Variants in MVB12B observed in about 807,000 individuals in gnomAD.
The protein encoded by MVB12B is multivesicular body subunit 12B.
In MVB12B, 16 loss-of-function variants were observed where a neutral mutation model predicts 41.6. The ratio of observed to expected loss-of-function variants is 0.38; its 90% CI spans 0.26 to 0.58. The LOEUF (loss-of-function observed/expected upper bound fraction) is 0.58. Among genes scored for constraint, MVB12B ranks in the 20% least tolerant of loss-of-function variants. MVB12B has a pLI of 0.62. For missense variants in MVB12B, 274 were observed against 380.2 expected, an observed-to-expected ratio of 0.72 and a Z score of 2.32; for synonymous variants, 133 against 139.7, an observed-to-expected ratio of 0.95 and a Z score of 0.34.
At chr9:126,469,622 T>A (rs1225472929) in intron 7 of MVB12B, among the ~76,000 whole-genome samples, 1 of 152,226 alleles carries the variant, frequency 6.6e-6, no homozygotes, top group East Asian at 1.9e-4. Context: ...ACTGCCTGTT[T>A]TAGAGCATGC....
intron 7 of MVB12B, among the ~76,000 whole-genome samples, chr9:126,445,162 C>A (rs1832735208): frequency 6.6e-6 from 1 of 152,068 alleles, no homozygotes; most frequent in Non-Finnish European, 1.5e-5. Flanking sequence ...AGAAAAATAT[C>A]CAATCTTTCC....
chr9:126,421,444 A>C (rs998325832), intron 6 of MVB12B, among the ~76,000 whole-genome samples: 2 of 152,230 alleles, frequency 1.3e-5, no homozygotes, highest in Non-Finnish European at 1.5e-5. Flanking sequence ...CGGTGTAGGA[A>C]TGGAAGCATT....
chr9:126,379,644 T>C (rs1371961794), intron 2 of MVB12B, among the ~76,000 whole-genome samples: 2 of 152,236 alleles, frequency 1.3e-5, no homozygotes, highest in East Asian at 1.9e-4. Context: ...CCTGTTGTTA[T>C]ATTTGCTAAT....
intron 2 of MVB12B, among the ~76,000 whole-genome samples, chr9:126,374,510 G>A (rs747805877): frequency 6.6e-6 from 1 of 152,200 alleles, no homozygotes; most frequent in African/African-American, 2.4e-5. Flanking sequence ...GCTAGAGAAA[G>A]CAATCAGAGA....
At chr9:126,388,553 A>G (rs1403709079) in intron 4 of MVB12B, among the ~76,000 whole-genome samples, 1 of 152,204 alleles carries the variant, frequency 6.6e-6, no homozygotes, top group Non-Finnish European at 1.5e-5. Context: ...GTATCTACCT[A>G]GTCATGGAAT....
rs779417559 is a variant in MVB12B, at chr9:126,392,493, ACT to A, written c.539+300_539+301del. ...GATGCCACTGGCCTCAGCTCTTCACACTCGTTATTCACCCTAGGAAAGGTCAC... is the reference window on the plus strand; with the variant it reads ...GATGCCACTGGCCTCAGCTCTTCACACGTTATTCACCCTAGGAAAGGTCAC... On this transcript the variant is annotated intron_variant, in intron 5 of 9. Coordinates refer to ENST00000361171, the MANE Select transcript of MVB12B (RefSeq NM_033446.3). This position sits in a 1 kb window ranked among gnomAD's most constrained non-coding sequence, Gnocchi z 4.8. Among the ~76,000 whole-genome samples, 16 of 151,888 alleles carry A rather than the reference ACT, an allele frequency of 1.1e-4. No individual in the cohort carries two copies. The highest frequency in any genetic ancestry group is 1.5e-4 in the Non-Finnish European group (10 of 67,978).
chr9:126,428,334 A>G (rs576897891), intron 7 of MVB12B, among the ~76,000 whole-genome samples: 113 of 152,312 alleles, frequency 7.4e-4, no homozygotes, highest in Admixed American at 9.2e-4. Flanking sequence ...TGATTTATAT[A>G]TTTCATCCAA....
chr9:126,380,675 C>T (rs1022466796), intron 2 of MVB12B, among the ~76,000 whole-genome samples: 4 of 152,290 alleles, frequency 2.6e-5, no homozygotes, highest in South Asian at 2.1e-4. Context: ...GCAGGCAGCG[C>T]CCCCTCAGGT....
intron 7 of MVB12B, among the ~76,000 whole-genome samples, chr9:126,467,217 G>C (rs1833219376): frequency 6.6e-6 from 1 of 152,168 alleles, no homozygotes; most frequent in African/African-American, 2.4e-5. Context: ...GGGTGTTGTA[G>C]ATCCTATCCT....
At chr9:126,490,346 G>T (rs540631535) in intron 9 of MVB12B, among the ~76,000 whole-genome samples, 1 of 152,172 alleles carries the variant, frequency 6.6e-6, no homozygotes, top group Non-Finnish European at 1.5e-5. Flanking sequence ...CAGCAGCCTT[G>T]GGTGTAGGTT....
At chr9:126,481,511 TTCTGGCA>T in intron 8 of MVB12B, 87 bp downstream of exon 8, 3 of 990,418 alleles carry the variant, frequency 3.0e-6, no homozygotes, top group Non-Finnish European at 4.9e-6. Context: ...CGCAGGGCTG[TTCTGGCA>T]GTACTCACGC....
chr9:126,375,108 T>C (rs1160741379), intron 2 of MVB12B, among the ~76,000 whole-genome samples: 3 of 152,212 alleles, frequency 2.0e-5, no homozygotes, highest in African/African-American at 7.2e-5. Flanking sequence ...TATTTTCTTC[T>C]CTTATAATCT....
At chr9:126,500,782 A>G (rs1410182182) in intron 9 of MVB12B, among the ~76,000 whole-genome samples, 1 of 152,192 alleles carries the variant, frequency 6.6e-6, no homozygotes, top group African/African-American at 2.4e-5. Flanking sequence ...CTATTGCCCT[A>G]GGTGCCGTCC....
chr9:126,387,784 T>A (rs1830839501), intron 4 of MVB12B, among the ~76,000 whole-genome samples: 1 of 152,218 alleles, frequency 6.6e-6, no homozygotes, highest in South Asian at 2.1e-4. Context: ...AAGACCCCTC[T>A]TTAGAGATGG....
rs1834057471 is a variant in MVB12B at position 126,505,788 on chromosome 9, T to G, written c.*2525T>G. 1 of 152,008 alleles carries G rather than the reference T, an allele frequency of 6.6e-6. No homozygotes were observed. The highest frequency in any genetic ancestry group is 2.4e-5 in the African/African-American group (1 of 41,366). 9.4% of individuals were successfully genotyped at this position (152,008 alleles called of 1,614,324 possible). On this transcript the variant is annotated 3_prime_UTR_variant, in exon 10 of 10. Coordinates refer to ENST00000361171, the MANE Select transcript of MVB12B (RefSeq NM_033446.3). ...GGCTCAAACCTAGGAATTGAGAGCG[T>G]TTCTGTCTTTTGGGAGAGTACTTTT...
At chr9:126,352,156 A>T (rs1829769419) in intron 2 of MVB12B, among the ~76,000 whole-genome samples, 2 of 152,116 alleles carry the variant, frequency 1.3e-5, no homozygotes, top group African/African-American at 2.4e-5. Flanking sequence ...GAAAGAAAAA[A>T]ATGTTGTGTT....
chr9:126,327,693 C>T (rs1050840542), intron 1 of MVB12B, among the ~76,000 whole-genome samples: 11 of 152,152 alleles, frequency 7.2e-5, no homozygotes, highest in African/African-American at 2.4e-4. Flanking sequence ...CACCAGGGAA[C>T]GGGGTAGACC....
intron 6 of MVB12B, among the ~76,000 whole-genome samples, chr9:126,398,529 T>C (rs1282210167): frequency 1.3e-5 from 2 of 152,214 alleles, no homozygotes; most frequent in Non-Finnish European, 2.9e-5. Context: ...ATAGGTGATA[T>C]CATATCGTGT....
intron 5 of MVB12B, among the ~76,000 whole-genome samples, chr9:126,393,148 T>G (rs1195495456): frequency 6.6e-6 from 1 of 152,214 alleles, no homozygotes; most frequent in Non-Finnish European, 1.5e-5. Context: ...AGGGTTTCAC[T>G]TAGGGCTCTG....
Sources: gnomAD v4.1 joint callset for allele counts (sites outside exome capture counted in the v4.1 genomes callset) on GRCh38, gnomAD v4.1.1 for gene constraint, Gnocchi (gnomAD v3.1) non-coding constraint, MANE v1.5 for transcripts, NCBI Gene and HGNC (gene_info 2026-07-23, HGNC 2026-07-21) for gene names.